Variants in EDRF1 observed in about 807,000 individuals in gnomAD.
EDRF1 encodes the protein erythroid differentiation regulatory factor 1.
A neutral mutation model predicts 148.7 loss-of-function variants in EDRF1; 69 were observed. The observed-to-expected ratio is 0.46, with a 90% CI of 0.38 to 0.57. The LOEUF is 0.57. Ranked by LOEUF, EDRF1 falls within the 20% of genes least tolerant of loss-of-function variation. The pLI, the probability that EDRF1 is intolerant of heterozygous loss-of-function variation, is 0.00. For missense variants in EDRF1, 1,118 were observed against 1,478.7 expected, an observed-to-expected ratio of 0.76 and a Z score of 4.00; for synonymous variants, 515 against 532.8, an observed-to-expected ratio of 0.97 and a Z score of 0.46.
rs929005939 is a variant in EDRF1, at chr10:125,763,763, C to T, written c.*291C>T. The T allele has an allele frequency of 4.6e-6, 2 of 436,738 alleles. No homozygotes were observed. Among genetic ancestry groups the T allele is most frequent in the Non-Finnish European group, 4.2e-6 (1 of 238,074 alleles). The allele number at this position is 436,738 out of a possible 1,614,324, so 27.1% of individuals were successfully genotyped here. A position where few individuals can be genotyped will look rare whatever the true frequency, so the allele number is the denominator to read the frequency against. On this transcript the variant is annotated 3_prime_UTR_variant, in exon 25 of 25. Transcript: ENST00000356792. This position sits in a 1 kb window ranked among gnomAD's most constrained non-coding sequence, Gnocchi z 4.3. ...CTGCTGTGATGCAGTTACACTTTCA[C>T]GTATTTTTGAAGTATGTCAAGCTAC...
chr10:125,740,690 G>A (rs747388122), intron 16 of EDRF1, 39 bp downstream of exon 16: 3 of 1,593,470 alleles, frequency 1.9e-6, no homozygotes, highest in South Asian at 1.1e-5. Flanking sequence ...TAGGCACTGG[G>A]AAGAGAGAAC....
chr10:125,749,675 G>A, intron 22 of EDRF1, 110 bp downstream of exon 22: 1 of 1,342,476 alleles, frequency 7.4e-7, no homozygotes, highest in Non-Finnish European at 1.0e-6. Context: ...TTTTTAATTT[G>A]CCCCATAGTT....
intron 18 of EDRF1, chr10:125,745,449 C>T (rs1253948638): frequency 1.2e-5 from 6 of 511,706 alleles, no homozygotes; most frequent in East Asian, 1.0e-4. Flanking sequence ...ATCTTAATTA[C>T]GTCTTTAAAG....
rs531365788 is a variant in EDRF1, at chr10:125,753,665, C to T, written c.3394-29C>T. The T allele has an allele frequency of 1.7e-5, 27 of 1,613,544 alleles. No homozygotes were observed. The East Asian group carries it at 3.1e-4, about 19-fold the overall frequency. The stretch of plus-strand genomic sequence containing the variant: ...ATGAAACTACAGTTGTTGGATAGCT[C>T]GAGTAAAATAACTTTTTGTTGTTTT... On this transcript the variant is annotated intron_variant, in intron 23 of 24. Transcript: ENST00000356792.
intron 9 of EDRF1, among the ~76,000 whole-genome samples, chr10:125,731,588 T>C (rs1848481906): frequency 1.3e-5 from 2 of 152,128 alleles, no homozygotes; most frequent in Admixed American, 1.3e-4. Flanking sequence ...CTTGGTTCAG[T>C]TGGTAATCTG....
In EDRF1 at chr10:125,753,704, G is replaced by T; in HGVS notation, c.3404G>T (p.Gly1135Val). ...TTTTGTTGTTTTTAGCCTAAGAGTG[G>T]TGACGCCGCTGCAGCTGCTGATGCT... Reference protein sequence around the residue: ...LIEEFGQPKSGDAAAAADASP... With the variant: ...LIEEFGQPKSVDAAAAADASP... Residue 1135 changes from glycine to valine, a missense_variant, in exon 24 of 25, where the codon GGT (glycine) becomes GTT (valine). Transcript: ENST00000356792. 1 of 1,614,052 alleles carries T rather than the reference G, an allele frequency of 6.2e-7. No homozygotes were observed. Among genetic ancestry groups the T allele is most frequent in the Non-Finnish European group, 8.5e-7 (1 of 1,180,014 alleles).
chr10:125,752,777 C>T lies in EDRF1; in HGVS notation c.3278-22C>T, dbSNP rs74162858. On this transcript the variant is annotated intron_variant, in intron 22 of 24. Transcript: ENST00000356792. ...TCTAGATTTATATTAAAGAAATGAA[C>T]GTTTTGTATTTAAAACTTTAGGTCA... is the stretch of plus-strand genomic sequence containing the variant. 6,813 of 1,471,984 alleles carry T rather than the reference C, an allele frequency of 4.6e-3. 239 individuals carry two copies. In the African/African-American group the frequency reaches 0.078, roughly 17 times the overall value. The allele number at this position is 1,471,984 out of a possible 1,614,324, so 91.2% of individuals were successfully genotyped here.
At chr10:125,748,932 C>T in intron 21 of EDRF1, 1 of 218,360 alleles carries the variant, frequency 4.6e-6, no homozygotes, top group East Asian at 1.1e-4. Context: ...CTGGGCAAAC[C>T]TGAATTTTGG....
At position 125,730,416 on chromosome 10, in the gene EDRF1, T is replaced by C. The variant is rs1271045157; in HGVS notation, c.1128+17T>C. ...ATTGTACAGGTAAGATACAGTGTGA[T>C]TTTTCTGATCTCTCAAATGCAAATT... On this transcript the variant is annotated intron_variant, in intron 9 of 24. Coordinates refer to ENST00000356792, the MANE Select transcript of EDRF1 (RefSeq NM_001202438.2). 6.3e-7 allele frequency: 1 copy of C among 1,593,492 alleles called. No individual in the cohort carries two copies. The highest frequency in any genetic ancestry group is 1.7e-5 in the Admixed American group (1 of 60,000).
Position 125,730,356 on chromosome 10 carries a change from T to C in EDRF1, c.1085T>C (p.Val362Ala), listed in dbSNP as rs1011891726. The change falls in exon 9 of 25, where the codon GTG (valine) becomes GCG (alanine). Residue 362 changes from valine to alanine, a missense_variant. Transcript: ENST00000356792. ...TGGTTGGACAACTTGATATGCAATG[T>C]GCCAGAGCTTGTGATGTGTTTTCAT... Reference protein sequence around the residue: ...DYWLDNLICNVPELVMCFHVN... With the variant: ...DYWLDNLICNAPELVMCFHVN... 1 of 1,613,924 alleles carries C rather than the reference T, an allele frequency of 6.2e-7. No homozygotes were observed. The highest frequency in any genetic ancestry group is 1.3e-5 in the African/African-American group (1 of 74,938).
At chr10:125,743,934 T>A (rs577150395) in intron 18 of EDRF1, among the ~76,000 whole-genome samples, 2 of 152,240 alleles carry the variant, frequency 1.3e-5, no homozygotes, top group South Asian at 4.1e-4. Flanking sequence ...ATGGTGTAAG[T>A]AAGATGTGAG....
chr10:125,737,753 A>G (rs1451439384), intron 13 of EDRF1, among the ~76,000 whole-genome samples, 165 bp from the exon 14 acceptor site: 3 of 152,194 alleles, frequency 2.0e-5, no homozygotes, highest in African/African-American at 7.2e-5. Context: ...TCATAATAGA[A>G]TTGTATTTAA....
At position 125,738,282 on chromosome 10, in the gene EDRF1, C is replaced by G. The variant is rs2133710039; in HGVS notation, c.1831-13C>G. ...AGTTAGATAGATAGTGAATGCTTTT[C>G]CTTTTTTTGCAGGGTTTAAAATCTG... On this transcript the variant is annotated splice_polypyrimidine_tract_variant and intron_variant, in intron 14 of 24. Transcript: ENST00000356792. The G allele has an allele frequency of 6.2e-7, 1 of 1,614,012 alleles. No individual in the cohort carries two copies. The highest frequency in any genetic ancestry group is 2.2e-5 in the East Asian group (1 of 44,878).
chr10:125,734,254 A>G, intron 12 of EDRF1, 71 bp downstream of exon 12: 1 of 1,167,842 alleles, frequency 8.6e-7, no homozygotes, highest in Non-Finnish European at 1.3e-6. Context: ...CCTAGACAGT[A>G]AAGCCTCCTG....
intron 12 of EDRF1, 132 bp from the exon 13 acceptor site, chr10:125,735,512 T>A (rs1317111541): frequency 1.1e-5 from 9 of 834,196 alleles, no homozygotes; most frequent in Non-Finnish European, 1.7e-5. Context: ...GGAACATTTC[T>A]GTGTGTGTTA....
Position 125,741,028 on chromosome 10 carries a change from T to C in EDRF1, c.2198T>C (p.Met733Thr). ...HDTYCCLCTN[M>T]LSEVLLFLSQ... Reference sequence around the variant, plus strand: ...ACTTATTGCTGCCTCTGCACCAATATGCTTTCCGAAGTGCTGTTGTTTCTC... The same window carrying C: ...ACTTATTGCTGCCTCTGCACCAATACGCTTTCCGAAGTGCTGTTGTTTCTC... Residue 733 changes from methionine to threonine, a missense_variant, in exon 17 of 25, where the codon ATG becomes ACG. Transcript: ENST00000356792. 6.2e-7 allele frequency: 1 copy of C among 1,614,172 alleles called. No homozygotes were observed. Among genetic ancestry groups the C allele is most frequent in the Non-Finnish European group, 8.5e-7 (1 of 1,180,050 alleles).
At chr10:125,726,123 G>A (rs1047332003) in intron 6 of EDRF1, among the ~76,000 whole-genome samples, 1 of 151,978 alleles carries the variant, frequency 6.6e-6, no homozygotes, top group Non-Finnish European at 1.5e-5. Context: ...TCTCCTTCAA[G>A]TGATGAGTAT....
Position 125,733,696 on chromosome 10 carries a change from C to T in EDRF1, c.1338C>T (p.Asp446=). ...CTACTCTTTGTGAAGAAACTGAAGA[C>T]AAATACCAAAATCCATTCACAATGC... ...DLTTLCEETE[D]KYQNPFTMPV... The change falls in exon 11 of 25, where the codon GAC becomes GAT. Residue 446 remains aspartate (D), a synonymous_variant. Coordinates refer to ENST00000356792, the MANE Select transcript of EDRF1 (RefSeq NM_001202438.2). 1 of 1,613,510 alleles carries T rather than the reference C, an allele frequency of 6.2e-7. No individual in the cohort carries two copies. Among genetic ancestry groups the T allele is most frequent in the South Asian group, 1.1e-5 (1 of 91,074 alleles).
In EDRF1 at chr10:125,749,685, T is replaced by A. The variant is rs1589863573; in HGVS notation, c.3277+120T>A. ...TTTTCTTTTTAATTTGCCCCATAGT[T>A]AATGACTTCGGGTAGAGAGGGTGAG... On this transcript the variant is annotated intron_variant, in intron 22 of 24. Coordinates refer to ENST00000356792, the MANE Select transcript of EDRF1 (RefSeq NM_001202438.2). The A allele has an allele frequency of 4.1e-6, 5 of 1,211,320 alleles. No individual in the cohort carries two copies. In the Admixed American group the frequency reaches 7.6e-5, roughly 18 times the overall value. The allele number at this position is 1,211,320 out of a possible 1,614,324, so 75.0% of individuals were successfully genotyped here. A position where few individuals can be genotyped will look rare whatever the true frequency, so the allele number is the denominator to read the frequency against.
Sources: allele counts gnomAD v4.1 joint callset (sites outside exome capture counted in the v4.1 genomes callset), GRCh38; gene constraint gnomAD v4.1.1; non-coding constraint Gnocchi (gnomAD v3.1); transcripts MANE v1.5; gene names NCBI Gene and HGNC (gene_info 2026-07-23, HGNC 2026-07-21).